CNPY1: variants seen among roughly 807,000 people sequenced by gnomAD.
CNPY1 encodes protein canopy homolog 1.
Under a neutral mutation model 14.4 loss-of-function variants are expected in CNPY1, and 14 were observed. That is an observed-to-expected ratio of 0.97 (90% CI 0.64 to 1.52). The LOEUF (loss-of-function observed/expected upper bound fraction) is 1.52. Ranked by LOEUF, CNPY1 falls within the 40% of genes most tolerant of loss-of-function variation. The probability of loss-of-function intolerance (pLI) is 0.00; values close to 1 mark genes in which losing one functional copy is unlikely to be tolerated. For synonymous variants in CNPY1, 43 were observed against 46.5 expected, an observed-to-expected ratio of 0.92 and a Z score of 0.31; for missense variants, 129 against 131.5, an observed-to-expected ratio of 0.98 and a Z score of 0.09.
chr7:155,508,353 A>G (rs772059768), intron 3 of CNPY1, among the ~76,000 whole-genome samples: 26 of 152,228 alleles, frequency 1.7e-4, no homozygotes, highest in African/African-American at 3.1e-4. Context: ...GAATTAACTC[A>G]GGATACAATT....
intron 2 of CNPY1, among the ~76,000 whole-genome samples, chr7:155,513,045 G>A (rs535675929): frequency 1.3e-5 from 2 of 152,292 alleles, no homozygotes; most frequent in African/African-American, 4.8e-5. Flanking sequence ...GGCTACAACA[G>A]GGGAAGCATG....
intron 2 of CNPY1, chr7:155,510,463 G>A (rs1411039571): frequency 3.3e-5 from 5 of 152,146 alleles, no homozygotes; most frequent in Non-Finnish European, 7.3e-5. Context: ...TATCAGCTGC[G>A]CCTCCCCTGT....
At chr7:155,533,580 C>T (rs908370082) in intron 2 of CNPY1, among the ~76,000 whole-genome samples, 1 of 152,222 alleles carries the variant, frequency 6.6e-6, no homozygotes, top group Non-Finnish European at 1.5e-5. Flanking sequence ...CCCGTCGCTT[C>T]GCTCCGTCCC....
intron 2 of CNPY1, among the ~76,000 whole-genome samples, chr7:155,544,791 G>A (rs1797139962): frequency 6.6e-6 from 1 of 152,240 alleles, no homozygotes; most frequent in Non-Finnish European, 1.5e-5. Context: ...GGCTCTTGAA[G>A]GATCCATCCT....
chr7:155,514,365 TGTC>T (rs2116700498), intron 2 of CNPY1, among the ~76,000 whole-genome samples: 1 of 152,384 alleles, frequency 6.6e-6, no homozygotes, highest in East Asian at 1.9e-4. Context: ...TGTCATCGAT[TGTC>T]GTCAACTGTT....
intron 2 of CNPY1, among the ~76,000 whole-genome samples, chr7:155,541,746 T>C (rs1172445089): frequency 1.3e-5 from 2 of 152,140 alleles, no homozygotes; most frequent in East Asian, 3.9e-4. Flanking sequence ...AGGAGGACAG[T>C]GTGGATGGAG....
At chr7:155,538,239 G>T (rs1228796440) in intron 2 of CNPY1, among the ~76,000 whole-genome samples, 1 of 152,116 alleles carries the variant, frequency 6.6e-6, no homozygotes, top group Admixed American at 6.5e-5. Flanking sequence ...AACAATTTAG[G>T]GGTGATCCCT....
intron 2 of CNPY1, among the ~76,000 whole-genome samples, chr7:155,532,242 G>A (rs758165451): frequency 1.3e-5 from 2 of 152,208 alleles, no homozygotes; most frequent in African/African-American, 2.4e-5. Context: ...CTGTGTCTCT[G>A]TGTGTCCCTG....
chr7:155,540,192 C>T (rs976787428), intron 2 of CNPY1, among the ~76,000 whole-genome samples: 14 of 152,158 alleles, frequency 9.2e-5, no homozygotes, highest in Admixed American at 8.5e-4. Flanking sequence ...GGGAGAGGCT[C>T]TCTGCACTTG....
intron 4 of CNPY1, among the ~76,000 whole-genome samples, chr7:155,505,560 C>T (rs1057370534): frequency 1.3e-5 from 2 of 152,142 alleles, no homozygotes; most frequent in South Asian, 2.1e-4. Context: ...TCTTATTATT[C>T]GGGGTGACTA....
intron 2 of CNPY1, among the ~76,000 whole-genome samples, chr7:155,531,509 C>T (rs903359440): frequency 2.0e-5 from 3 of 152,186 alleles, no homozygotes; most frequent in African/African-American, 4.8e-5. Flanking sequence ...AGCCTTCAAC[C>T]GGCTGGTCCT....
chr7:155,508,071 G>T (rs970680735), intron 3 of CNPY1, among the ~76,000 whole-genome samples: 2 of 152,126 alleles, frequency 1.3e-5, no homozygotes, highest in Non-Finnish European at 2.9e-5. Context: ...TTAAAAATCG[G>T]CTAAAGCCCT....
At chr7:155,544,389 T>TGGCTC (rs1797135406) in intron 2 of CNPY1, among the ~76,000 whole-genome samples, 1 of 152,242 alleles carries the variant, frequency 6.6e-6, no homozygotes, top group Non-Finnish European at 1.5e-5. Context: ...GTCATTTCCT[T>TGGCTC]GGCTCCCCTT....
intron 1 of CNPY1, 149 bp downstream of exon 1, chr7:155,546,280 A>G: frequency 2.5e-6 from 1 of 392,966 alleles, no homozygotes; most frequent in East Asian, 3.6e-5. Context: ...TCAACCTTCC[A>G]CACTCAAACC....
intron 4 of CNPY1, among the ~76,000 whole-genome samples, chr7:155,506,047 A>G (rs1796296715): frequency 6.6e-6 from 1 of 152,278 alleles, no homozygotes; most frequent in Non-Finnish European, 1.5e-5. Context: ...TTCTTGTTTA[A>G]TAACTTTTGA....
At position 155,509,114 on chromosome 7, in the gene CNPY1, G is replaced by C. The variant is rs542411131; in HGVS notation, c.100-17C>G. On this transcript the variant is annotated splice_polypyrimidine_tract_variant and intron_variant, in intron 2 of 4. Transcript: ENST00000636446. ...TAGGGGGATCTAAGAAGAAAGACAG[G>C]GCGAGGAAACTTGTCTTAATGTTAA... 9.4e-5 allele frequency: 139 copies of C among 1,478,500 alleles called. No individual in the cohort carries two copies. Among genetic ancestry groups the C allele is most frequent in the Middle Eastern group, 8.9e-4 (5 of 5,638 alleles). 91.6% of individuals were successfully genotyped at this position (1,478,500 alleles called of 1,614,324 possible). A position where few individuals can be genotyped will look rare whatever the true frequency, so the allele number is the denominator to read the frequency against.
chr7:155,510,031 C>G (rs1307025796), intron 2 of CNPY1, among the ~76,000 whole-genome samples: 1 of 152,228 alleles, frequency 6.6e-6, no homozygotes, highest in Non-Finnish European at 1.5e-5. Flanking sequence ...GGCTTTTTCC[C>G]TCTCCACCCT....
chr7:155,506,522 T>G (rs1428147792), intron 4 of CNPY1: 3 of 156,616 alleles, frequency 1.9e-5, no homozygotes. Flanking sequence ...GATACAGGAA[T>G]GGAACCTGGA....
At chr7:155,525,384 G>A (rs1796801309) in intron 2 of CNPY1, among the ~76,000 whole-genome samples, 1 of 152,122 alleles carries the variant, frequency 6.6e-6, no homozygotes, top group Admixed American at 6.5e-5. Flanking sequence ...AGTCAGGCTG[G>A]TCTCAAACTC....
Sources: gnomAD v4.1 joint callset for allele counts (sites outside exome capture counted in the v4.1 genomes callset) on GRCh38, gnomAD v4.1.1 for gene constraint, MANE v1.5 for transcripts, NCBI Gene and HGNC (gene_info 2026-07-23, HGNC 2026-07-21) for gene names.